Variants in RIT2 observed in about 807,000 individuals in gnomAD.
RIT2 encodes Ras like without CAAX 2.
Under a neutral mutation model 23.7 loss-of-function variants are expected in RIT2, and 24 were observed. That is an observed-to-expected ratio of 1.01 (90% CI 0.73 to 1.43). The LOEUF is 1.43. Ranked by LOEUF, RIT2 falls within the 40% of genes most tolerant of loss-of-function variation. The probability of loss-of-function intolerance (pLI) is 0.00; values close to 1 mark genes in which losing one functional copy is unlikely to be tolerated. For missense variants in RIT2, 236 were observed against 266.9 expected (o/e 0.88, Z 0.81); for synonymous variants, 107 against 91.1 (o/e 1.17, Z -0.99).
intron 1 of RIT2, among the ~76,000 whole-genome samples, chr18:43,100,105 C>T (rs1476388712): frequency 6.6e-6 from 1 of 151,948 alleles, no homozygotes; most frequent in African/African-American, 2.4e-5. Context: ...GCAATAGGTG[C>T]TATAGAAAGA....
intron 4 of RIT2, among the ~76,000 whole-genome samples, chr18:42,886,037 T>C (rs1908014944): frequency 6.6e-6 from 1 of 152,226 alleles, no homozygotes; most frequent in Non-Finnish European, 1.5e-5. Context: ...CAGCAACCTT[T>C]ATTTTCTTCA....
At chr18:43,084,893 A>T (rs1027166207) in intron 1 of RIT2, among the ~76,000 whole-genome samples, 1 of 152,140 alleles carries the variant, frequency 6.6e-6, no homozygotes, top group Non-Finnish European at 1.5e-5. Context: ...AAAGTATAAT[A>T]AAAAAAGTTA....
intron 1 of RIT2, among the ~76,000 whole-genome samples, chr18:43,107,724 C>T (rs919711089): frequency 2.6e-5 from 4 of 152,136 alleles, no homozygotes; most frequent in Admixed American, 2.0e-4. Flanking sequence ...GTCTTTGGCA[C>T]CTCCATGCTA....
chr18:43,111,053 T>C lies in RIT2; in HGVS notation c.103+4364A>G, dbSNP rs1051935040. ...CCAAGATTTGGAAGTAACTTAAGTGTCCATCAACAGAAGAATGAATAAAAT... is the reference window on the plus strand; with the variant it reads ...CCAAGATTTGGAAGTAACTTAAGTGCCCATCAACAGAAGAATGAATAAAAT... On this transcript the variant is annotated intron_variant, in intron 1 of 4. Coordinates refer to ENST00000326695, the MANE Select transcript of RIT2 (RefSeq NM_002930.4). 4.6e-5 allele frequency among the ~76,000 whole-genome samples: 7 copies of C among 152,064 alleles called. 1 individual carries two copies. The East Asian group carries it at 9.6e-4, about 21-fold the overall frequency.
chr18:43,049,028 G>T (rs956741851), intron 1 of RIT2, among the ~76,000 whole-genome samples: 2 of 152,118 alleles, frequency 1.3e-5, no homozygotes, highest in African/African-American at 2.4e-5. Flanking sequence ...TTATTACTTG[G>T]TTAGGGTTGT....
rs138154074 is a variant in RIT2 at position 43,064,385 on chromosome 18, T to C, written c.104-30518A>G. ...TATTGGTGAAAATAGCTTATTCCCCTGACTGCAGTAGCTCTAAGTAATGTA... is the reference window on the plus strand; with the variant it reads ...TATTGGTGAAAATAGCTTATTCCCCCGACTGCAGTAGCTCTAAGTAATGTA... On this transcript the variant is annotated intron_variant, in intron 1 of 4. Transcript: ENST00000326695. Among the ~76,000 whole-genome samples, 557 of 152,284 alleles carry C rather than the reference T, an allele frequency of 3.7e-3. 5 individuals carry two copies. Among genetic ancestry groups the C allele is most frequent in the African/African-American group, 0.013 (536 of 41,566 alleles).
chr18:42,866,316 T>A (rs1013872518), intron 4 of RIT2, among the ~76,000 whole-genome samples: 1 of 152,190 alleles, frequency 6.6e-6, no homozygotes, highest in Non-Finnish European at 1.5e-5. Flanking sequence ...ACCTATAATG[T>A]TGATTAATAT....
chr18:42,854,467 A>G (rs1447278945), intron 4 of RIT2, among the ~76,000 whole-genome samples: 1 of 152,140 alleles, frequency 6.6e-6, no homozygotes, highest in Non-Finnish European at 1.5e-5. Flanking sequence ...AGGGTGAAAC[A>G]TTTTTGTGTG....
chr18:42,986,286 C>T (rs1223378673), intron 2 of RIT2, among the ~76,000 whole-genome samples: 1 of 151,908 alleles, frequency 6.6e-6, no homozygotes, highest in Non-Finnish European at 1.5e-5. Flanking sequence ...GGTAATCCCT[C>T]CCAAAGTGCT....
intron 4 of RIT2, among the ~76,000 whole-genome samples, chr18:42,902,387 A>G (rs901652643): frequency 2.0e-5 from 3 of 151,828 alleles, no homozygotes; most frequent in African/African-American, 7.2e-5. Context: ...ATATAAATTC[A>G]GAAAAGGACA....
At chr18:42,897,149 G>T (rs17715330) in intron 4 of RIT2, among the ~76,000 whole-genome samples, 2 of 152,110 alleles carry the variant, frequency 1.3e-5, no homozygotes, top group African/African-American at 4.8e-5. Flanking sequence ...GTCATTTCTC[G>T]TTTCTTTTAC....
intron 3 of RIT2, among the ~76,000 whole-genome samples, chr18:42,944,764 G>T (rs72893347): frequency 3.9e-4 from 60 of 152,138 alleles, no homozygotes; most frequent in South Asian, 1.2e-3. Flanking sequence ...CTACTTTGGG[G>T]CTCTGTCCTG....
At chr18:43,039,085 G>T (rs990497625) in intron 1 of RIT2, among the ~76,000 whole-genome samples, 4 of 152,054 alleles carry the variant, frequency 2.6e-5, no homozygotes, top group Non-Finnish European at 5.9e-5. Context: ...ATCTCCCTGA[G>T]AAGCAGATTG....
At chr18:42,848,740 T>C (rs1316574318) in intron 4 of RIT2, among the ~76,000 whole-genome samples, 3 of 151,782 alleles carry the variant, frequency 2.0e-5, no homozygotes, top group Non-Finnish European at 1.5e-5. Flanking sequence ...AGAAAGCACA[T>C]TGTGAAGTTT....
chr18:42,931,551 T>G (rs1377907915), intron 3 of RIT2, among the ~76,000 whole-genome samples: 1 of 152,172 alleles, frequency 6.6e-6, no homozygotes, highest in East Asian at 1.9e-4. Context: ...TAGAAGTCTG[T>G]TTGCCTTCCT....
At chr18:42,780,163 A>AC (rs1366583796) in intron 4 of RIT2, among the ~76,000 whole-genome samples, 1 of 132,264 alleles carries the variant, frequency 7.6e-6, no homozygotes, top group Non-Finnish European at 1.5e-5. Flanking sequence ...TTGATTTTAT[A>AC]TATTTTAGGG....
chr18:42,859,048 T>C (rs1389211783), intron 4 of RIT2, among the ~76,000 whole-genome samples: 2 of 152,196 alleles, frequency 1.3e-5, no homozygotes, highest in Non-Finnish European at 2.9e-5. Context: ...ACATATGGTT[T>C]TATTTCTTTT....
At chr18:42,767,852 T>G (rs1411288360) in intron 4 of RIT2, among the ~76,000 whole-genome samples, 1 of 152,184 alleles carries the variant, frequency 6.6e-6, no homozygotes, top group Admixed American at 6.5e-5. Context: ...ATCAGGGGTT[T>G]CCACTTTTGC....
intron 4 of RIT2, among the ~76,000 whole-genome samples, chr18:42,838,113 G>T (rs1906667342): frequency 6.6e-6 from 1 of 152,074 alleles, no homozygotes; most frequent in African/African-American, 2.4e-5. Flanking sequence ...ACATTCCACT[G>T]CACTACTCTT....
Sources: gnomAD v4.1 joint callset for allele counts (sites outside exome capture counted in the v4.1 genomes callset) on GRCh38, gnomAD v4.1.1 for gene constraint, MANE v1.5 for transcripts, NCBI Gene and HGNC (gene_info 2026-07-23, HGNC 2026-07-21) for gene names.